Variants in EIF2S3 observed in about 807,000 individuals in gnomAD.
The protein encoded by EIF2S3 is eukaryotic translation initiation factor 2 subunit 3.
In EIF2S3, 2 loss-of-function variants were observed where a neutral mutation model predicts 31.7. That is an observed-to-expected ratio of 0.06 (90% CI 0.03 to 0.20). The LOEUF is 0.20. Among genes scored for constraint, EIF2S3 ranks in the 10% least tolerant of loss-of-function variants. EIF2S3 has a pLI of 1.00. For synonymous variants in EIF2S3, 120 were observed against 126.7 expected (o/e 0.95, Z 0.36); for missense variants, 96 against 359.3 (o/e 0.27, Z 5.92).
At chrX:24,064,049 CAG>C in intron 6 of EIF2S3, 150 bp from the exon 7 acceptor site, 2 of 451,555 alleles carry the variant, frequency 4.4e-6, no homozygotes, top group Non-Finnish European at 6.6e-6. Flanking sequence ...TCTTTCTAAA[CAG>C]AATTATCCAC....
intron 5 of EIF2S3, among the ~76,000 whole-genome samples, chrX:24,061,556 C>G (rs1930493536): frequency 9.3e-6 from 1 of 107,324 alleles, no homozygotes; most frequent in South Asian, 3.9e-4. Flanking sequence ...CAGAGTGAGA[C>G]TCAGTCTCAA....
intron 2 of EIF2S3, among the ~76,000 whole-genome samples, chrX:24,056,402 C>G (rs748886184): frequency 8.0e-5 from 9 of 111,946 alleles, no homozygotes; most frequent in Non-Finnish European, 1.7e-4. Context: ...AAGACTATAC[C>G]AGTTAAAGCA....
chrX:24,058,409 ACT>A (rs1229485471), intron 4 of EIF2S3, among the ~76,000 whole-genome samples: 1 of 110,940 alleles, frequency 9.0e-6, no homozygotes, highest in Non-Finnish European at 1.9e-5. Context: ...ATAAGGGCAG[ACT>A]CTATTACTAA....
In EIF2S3 at chrX:24,066,523, CT is replaced by C. The variant is rs113989989; in HGVS notation, c.867+445del. On this transcript the variant is annotated intron_variant, in intron 8 of 11. Coordinates refer to ENST00000253039, the MANE Select transcript of EIF2S3 (RefSeq NM_001415.4). Reference sequence around the variant, plus strand: ...TATATGCTGCCATTGCTTTTCTTTTCTTTTTTTTTTTTTTCTTGAGGCGGAG... The same window carrying C: ...TATATGCTGCCATTGCTTTTCTTTTCTTTTTTTTTTTTTCTTGAGGCGGAG... Among the ~76,000 whole-genome samples the C allele has an allele frequency of 5.4e-3, 508 of 94,287 alleles. 3 individuals carry two copies. The highest frequency in any genetic ancestry group is 0.019 in the African/African-American group (473 of 25,478). 81.9% of individuals were successfully genotyped at this position (94,287 alleles called of 115,157 possible).
intron 11 of EIF2S3, among the ~76,000 whole-genome samples, chrX:24,073,715 A>G (rs769541780): frequency 1.3e-4 from 15 of 111,973 alleles, no homozygotes; most frequent in South Asian, 3.7e-4. Context: ...AACCTTGACT[A>G]TAGTCCCATA....
chrX:24,064,244 G>A lies in EIF2S3; in HGVS notation c.681G>A (p.Gln227=). The A allele has an allele frequency of 1.7e-6, 2 of 1,198,042 alleles. No individual in the cohort carries two copies. The highest frequency in any genetic ancestry group is 2.2e-6 in the Non-Finnish European group (2 of 890,018). ...CTCCCATTATTCCAATTTCAGCTCA[G>A]CTGAAATACAATATTGAAGTTGTTT... is the stretch of plus-strand genomic sequence containing the variant. ...EGAPIIPISA[Q]LKYNIEVVCE... is the part of the protein sequence containing the mutation. Residue 227 remains glutamine, a synonymous_variant, in exon 7 of 12, where the codon CAG becomes CAA. Coordinates refer to ENST00000253039, the MANE Select transcript of EIF2S3 (RefSeq NM_001415.4).
intron 8 of EIF2S3, 59 bp downstream of exon 8, chrX:24,066,151 T>C: frequency 1.2e-6 from 1 of 854,934 alleles, no homozygotes; most frequent in Non-Finnish European, 1.6e-6. Context: ...TTTGTTTGTT[T>C]GTTTTATCCT....
intron 8 of EIF2S3, 24 bp downstream of exon 8, chrX:24,066,116 G>T: frequency 2.0e-6 from 2 of 984,130 alleles, no homozygotes; most frequent in Non-Finnish European, 1.3e-6. Context: ...TGGTTGTTGT[G>T]ATTTTGGGTT....
chrX:24,058,857 G>T (rs887710500), intron 4 of EIF2S3, among the ~76,000 whole-genome samples: 2 of 111,054 alleles, frequency 1.8e-5, no homozygotes, highest in Non-Finnish European at 3.8e-5. Flanking sequence ...CCAAAGTGCT[G>T]GGATTACAGG....
chrX:24,065,153 A>ATAGT (rs924099310), intron 7 of EIF2S3, among the ~76,000 whole-genome samples: 3 of 111,674 alleles, frequency 2.7e-5, no homozygotes, highest in Admixed American at 9.6e-5. Context: ...CTAGTGTTTT[A>ATAGT]TAGTTATAAA....
At chrX:24,070,636 C>A (rs1217928390) in intron 9 of EIF2S3, among the ~76,000 whole-genome samples, 1 of 108,975 alleles carries the variant, frequency 9.2e-6, no homozygotes, top group Non-Finnish European at 1.9e-5. Flanking sequence ...TGGGTTTTGC[C>A]ATGTTGGCTA....
chrX:24,062,599 A>T, intron 6 of EIF2S3, 25 bp downstream of exon 6: 2 of 1,195,967 alleles, frequency 1.7e-6, no homozygotes, highest in Non-Finnish European at 2.3e-6. Context: ...TATGAAATAA[A>T]TCTATGAATC....
intron 9 of EIF2S3, among the ~76,000 whole-genome samples, chrX:24,070,288 C>G (rs1452933722): frequency 9.4e-6 from 1 of 106,839 alleles, no homozygotes; most frequent in African/African-American, 3.4e-5. Context: ...CACCACTGCA[C>G]TCCAGCCTGG....
At position 24,078,561 on chromosome X, in the gene EIF2S3, A is replaced by C. The variant is rs980643723; in HGVS notation, c.*1776A>C. 8.9e-6 allele frequency among the ~76,000 whole-genome samples: 1 copy of C among 112,006 alleles called. No homozygotes were observed. The highest frequency in any genetic ancestry group is 1.9e-5 in the Non-Finnish European group (1 of 53,238). On this transcript the variant is annotated 3_prime_UTR_variant, in exon 12 of 12. Transcript: ENST00000253039. ...AGAAGTAGGTATATTAAATTACAGA[A>C]TCTTACTGAGTTTTGGTAGACTGAT... is the stretch of plus-strand genomic sequence containing the variant.
In EIF2S3 at chrX:24,075,376, C is replaced by T. The variant is rs1456368737; in HGVS notation, c.1356-1346C>T. 3.6e-5 allele frequency among the ~76,000 whole-genome samples: 4 copies of T among 110,759 alleles called. No individual in the cohort carries two copies. In the East Asian group the frequency reaches 1.1e-3, roughly 32 times the overall value. Reference sequence around the variant, plus strand: ...GGAAGCATACACACATTTTTGGCTCCTGACTTTTTGCTCTTTCCCAGGTTA... The same window carrying T: ...GGAAGCATACACACATTTTTGGCTCTTGACTTTTTGCTCTTTCCCAGGTTA... On this transcript the variant is annotated intron_variant, in intron 11 of 11. Transcript: ENST00000253039.
At chrX:24,063,487 C>T (rs768198011) in intron 6 of EIF2S3, among the ~76,000 whole-genome samples, 2 of 111,488 alleles carry the variant, frequency 1.8e-5, no homozygotes, top group Non-Finnish European at 3.8e-5. Context: ...CAATACGTAG[C>T]AAATATATAT....
Position 24,055,657 on chromosome X carries a change from A to C in EIF2S3, c.112A>C (p.Arg38=), listed in dbSNP as rs749156562. 1 of 1,210,084 alleles carries C rather than the reference A, an allele frequency of 8.3e-7. No homozygotes were observed. Among genetic ancestry groups the C allele is most frequent in the Non-Finnish European group, 1.1e-6 (1 of 894,958 alleles). ...GCCACTTTCACACGAAGTTATCAGC[A>C]GACAAGCCACAATTAACATAGGTAA... ...LTPLSHEVIS[R]QATINIGTIG... The change falls in exon 2 of 12, where the codon AGA becomes CGA. Residue 38 remains arginine, a synonymous_variant. Coordinates refer to ENST00000253039, the MANE Select transcript of EIF2S3 (RefSeq NM_001415.4).
chrX:24,070,125 C>G (rs188099383), intron 9 of EIF2S3, among the ~76,000 whole-genome samples: 1,952 of 107,061 alleles, frequency 0.018, 51 homozygotes, highest in African/African-American at 0.064. Context: ...CCCAGCACTT[C>G]GGGAGGCCGA....
At chrX:24,064,579 A>G (rs749501892) in intron 7 of EIF2S3, among the ~76,000 whole-genome samples, 95 of 112,346 alleles carry the variant, frequency 8.5e-4, no homozygotes, top group Non-Finnish European at 1.2e-3. Context: ...TATAATCCCA[A>G]TACTTTGGGG....
Sources: gnomAD v4.1 joint callset for allele counts (sites outside exome capture counted in the v4.1 genomes callset) on GRCh38, gnomAD v4.1.1 for gene constraint, MANE v1.5 for transcripts, NCBI Gene and HGNC (gene_info 2026-07-23, HGNC 2026-07-21) for gene names.